The following GASK1A variants were observed in gnomAD, a reference collection of about 807,000 sequenced individuals.
The protein encoded by GASK1A is golgi associated kinase 1A.
GASK1A carries 40 observed loss-of-function variants against 41.2 expected under a neutral mutation model. The observed-to-expected ratio is 0.97, with a 90% confidence interval of 0.75 to 1.27. GASK1A has a LOEUF of 1.27. Among genes scored for constraint, GASK1A ranks in the 50% most tolerant of loss-of-function variants. The pLI is 0.00. For missense variants in GASK1A, 678 were observed against 745.1 expected (o/e 0.91, Z 1.05); for synonymous variants, 316 against 307.1 (o/e 1.03, Z -0.30).
At chr3:42,979,796 C>T (rs1447762619) in intron 1 of GASK1A, among the ~76,000 whole-genome samples, 151 bp downstream of exon 1, 2 of 152,160 alleles carry the variant, frequency 1.3e-5, no homozygotes, top group African/African-American at 4.8e-5. Flanking sequence ...GGGGCGGCGG[C>T]GGCTTTCATT....
In GASK1A at chr3:43,033,052, C is replaced by T. The variant is rs1219900590; in HGVS notation, c.789C>T (p.Asp263=). The T allele has an allele frequency of 1.3e-6, 2 of 1,551,704 alleles. No homozygotes were observed. Among genetic ancestry groups the T allele is most frequent in the African/African-American group, 1.4e-5 (1 of 73,172 alleles). Residue 263 remains aspartate (D), a synonymous_variant, in exon 2 of 5, where the codon GAC becomes GAT. Transcript: ENST00000430121. The part of the protein sequence containing the change: ...TGGQAPPWLT[D]HDVQMLRLLA... Reference sequence around the variant, plus strand: ...GGCAGGCTCCCCCATGGCTGACAGACCACGATGTGCAGATGCTCCGTCTGT... The same window carrying T: ...GGCAGGCTCCCCCATGGCTGACAGATCACGATGTGCAGATGCTCCGTCTGT...
At chr3:43,010,878 C>T (rs2089459971) in intron 1 of GASK1A, among the ~76,000 whole-genome samples, 1 of 152,168 alleles carries the variant, frequency 6.6e-6, no homozygotes, top group African/African-American at 2.4e-5. Flanking sequence ...TGGATGGCTC[C>T]TCCTACCATA....
At chr3:43,012,983 G>A (rs918201026) in intron 1 of GASK1A, among the ~76,000 whole-genome samples, 2 of 150,844 alleles carry the variant, frequency 1.3e-5, no homozygotes, top group African/African-American at 2.4e-5. Flanking sequence ...GAGGCAGTGT[G>A]AAGTTACAGA....
intron 1 of GASK1A, among the ~76,000 whole-genome samples, chr3:42,991,696 T>A (rs1430660417): frequency 6.6e-6 from 1 of 152,206 alleles, no homozygotes; most frequent in African/African-American, 2.4e-5. Context: ...GTTTGAGGGC[T>A]GGAGGCTGTA....
intron 1 of GASK1A, among the ~76,000 whole-genome samples, chr3:43,013,359 G>C (rs896563942): frequency 6.6e-6 from 1 of 151,652 alleles, no homozygotes; most frequent in Non-Finnish European, 1.5e-5. Context: ...CAAAGGAAGG[G>C]GCCGTGTGAA....
At chr3:43,003,492 C>CAA (rs34122767) in intron 1 of GASK1A, among the ~76,000 whole-genome samples, 6 of 95,500 alleles carry the variant, frequency 6.3e-5, no homozygotes, top group East Asian at 3.4e-4. Flanking sequence ...GAGACTGTCT[C>CAA]AAAAAAAAAA....
intron 1 of GASK1A, among the ~76,000 whole-genome samples, chr3:43,024,258 T>C (rs939158748): frequency 6.6e-6 from 1 of 152,188 alleles, no homozygotes; most frequent in African/African-American, 2.4e-5. Context: ...CTCTATCACC[T>C]ATAGCCCAGA....
intron 2 of GASK1A, among the ~76,000 whole-genome samples, chr3:43,036,920 A>C (rs56009835): frequency 0.38 from 57,378 of 151,926 alleles, 11,165 homozygotes; most frequent in South Asian, 0.59. Flanking sequence ...ACCTAGCAAA[A>C]CTGTAATAGG....
intron 1 of GASK1A, among the ~76,000 whole-genome samples, chr3:42,985,267 G>T (rs2125672061): frequency 6.6e-6 from 1 of 152,270 alleles, no homozygotes; most frequent in Non-Finnish European, 1.5e-5. Flanking sequence ...TGAAGGAACG[G>T]GTGTCTCCAT....
intron 2 of GASK1A, among the ~76,000 whole-genome samples, chr3:43,035,359 C>T (rs1267812993): frequency 1.3e-5 from 2 of 152,100 alleles, no homozygotes; most frequent in Admixed American, 6.5e-5. Context: ...GAGGGGTTTC[C>T]CAGATCATAG....
chr3:43,053,503 G>C lies in GASK1A; in HGVS notation c.1291-18G>C. Reference sequence around the variant, plus strand: ...AGGCCCCCTGCCGCACCCCACCGAAGGCTGGGTGTCTCCACAGGTCCACGA... The same window carrying C: ...AGGCCCCCTGCCGCACCCCACCGAACGCTGGGTGTCTCCACAGGTCCACGA... On this transcript the variant is annotated intron_variant, in intron 2 of 4. Transcript: ENST00000430121. 1 of 1,527,240 alleles carries C rather than the reference G, an allele frequency of 6.5e-7. No homozygotes were observed. The highest frequency in any genetic ancestry group is 8.8e-7 in the Non-Finnish European group (1 of 1,131,860). The allele number at this position is 1,527,240 out of a possible 1,614,324, so 94.6% of individuals were successfully genotyped here.
chr3:43,028,400 G>C (rs1047437676), intron 1 of GASK1A, among the ~76,000 whole-genome samples: 3 of 152,188 alleles, frequency 2.0e-5, no homozygotes, highest in African/African-American at 7.2e-5. Flanking sequence ...CAGATGGTCA[G>C]GGGGCTTAGA....
chr3:43,012,975 G>T (rs1197563381), intron 1 of GASK1A, among the ~76,000 whole-genome samples: 1 of 151,876 alleles, frequency 6.6e-6, no homozygotes, highest in Non-Finnish European at 1.5e-5. Context: ...CACAGGAAGA[G>T]GCAGTGTGAA....
intron 1 of GASK1A, among the ~76,000 whole-genome samples, chr3:43,022,225 C>G (rs555187845): frequency 6.6e-6 from 1 of 152,034 alleles, no homozygotes; most frequent in South Asian, 2.1e-4. Context: ...TTTTTTCAGT[C>G]TGATCAAAGC....
intron 1 of GASK1A, among the ~76,000 whole-genome samples, chr3:42,982,019 C>T (rs1297826127): frequency 6.6e-6 from 1 of 151,822 alleles, no homozygotes; most frequent in Non-Finnish European, 1.5e-5. Flanking sequence ...TAGAAGTATA[C>T]AAATAAAAGT....
intron 1 of GASK1A, among the ~76,000 whole-genome samples, chr3:43,028,595 G>A (rs2089558401): frequency 6.6e-6 from 1 of 152,116 alleles, no homozygotes; most frequent in Admixed American, 6.5e-5. Flanking sequence ...AGCACACAGA[G>A]TCATCTCCTA....
intron 1 of GASK1A, among the ~76,000 whole-genome samples, chr3:43,031,819 C>A (rs2089577437): frequency 6.6e-6 from 1 of 152,146 alleles, no homozygotes; most frequent in Non-Finnish European, 1.5e-5. Context: ...AACTGGGTGG[C>A]CATGTGCTCT....
At chr3:43,056,095 T>C in intron 4 of GASK1A, 81 bp from the exon 5 acceptor site, 1 of 1,151,138 alleles carries the variant, frequency 8.7e-7, no homozygotes, top group Non-Finnish European at 1.2e-6. Flanking sequence ...TCTGGCCATC[T>C]GGCATCACCT....
chr3:43,016,108 G>A (rs757802083), intron 1 of GASK1A, among the ~76,000 whole-genome samples: 6 of 152,102 alleles, frequency 3.9e-5, no homozygotes, highest in Non-Finnish European at 7.4e-5. Context: ...CACAGGAAGG[G>A]GCTGTGTGAA....
Sources: allele counts gnomAD v4.1 joint callset (sites outside exome capture counted in the v4.1 genomes callset), GRCh38; gene constraint gnomAD v4.1.1; transcripts MANE v1.5; gene names NCBI Gene and HGNC (gene_info 2026-07-23, HGNC 2026-07-21).